The following ERC1 variants were observed in gnomAD, a reference collection of about 807,000 sequenced individuals.
ERC1 encodes the protein ELKS/RAB6-interacting/CAST family member 1, also known as RAB6 interacting protein 2.
A neutral mutation model predicts 132.0 loss-of-function variants in ERC1; 56 were observed. The ratio of observed to expected loss-of-function variants is 0.42; its 90% CI spans 0.34 to 0.53. The LOEUF (loss-of-function observed/expected upper bound fraction) is 0.53, where lower values mean the gene tolerates loss of function less well. ERC1 is among the 20% of genes least tolerant of loss of function. The pLI is 0.03. For missense variants in ERC1, 1,202 were observed against 1,349.9 expected, an observed-to-expected ratio of 0.89 and a Z score of 1.72; for synonymous variants, 478 against 476.1, an observed-to-expected ratio of 1.00 and a Z score of -0.05.
In ERC1 at chr12:1,382,710, A is replaced by G. The variant is rs569289765; in HGVS notation, c.2925+10733A>G. Among the ~76,000 whole-genome samples the G allele has an allele frequency of 2.6e-5, 4 of 152,366 alleles. No individual in the cohort carries two copies. The East Asian group carries it at 7.7e-4, about 29-fold the overall frequency. ...TTTACCTGTAGCTGTATCGTCTGCT[A>G]AAGGCTGACATTAAGAGTTTAAAAA... On this transcript the variant is annotated intron_variant, in intron 16 of 18. Transcript: ENST00000360905.
intron 15 of ERC1, among the ~76,000 whole-genome samples, chr12:1,307,542 G>A (rs757980713): frequency 7.9e-5 from 12 of 152,112 alleles, no homozygotes; most frequent in Non-Finnish European, 1.2e-4. Flanking sequence ...TCCTTTCTGC[G>A]TCCTGCTAAA....
At chr12:1,007,696 A>G (rs1963973019) in intron 1 of ERC1, among the ~76,000 whole-genome samples, 1 of 152,054 alleles carries the variant, frequency 6.6e-6, no homozygotes, top group Non-Finnish European at 1.5e-5. Context: ...CTAGCCATGT[A>G]TGGCCATTAA....
At chr12:1,394,197 G>A (rs542593586) in intron 16 of ERC1, among the ~76,000 whole-genome samples, 13 of 151,384 alleles carry the variant, frequency 8.6e-5, no homozygotes, top group Admixed American at 4.6e-4. Context: ...TCAGGAGATC[G>A]AGACCATCCT....
chr12:1,382,766 T>A (rs897172119), intron 16 of ERC1, among the ~76,000 whole-genome samples: 2 of 152,236 alleles, frequency 1.3e-5, no homozygotes, highest in Admixed American at 6.5e-5. Flanking sequence ...AGAAAACGTG[T>A]GTAAAGATTG....
chr12:1,354,737 G>A (rs867491291), intron 15 of ERC1, among the ~76,000 whole-genome samples: 28 of 152,262 alleles, frequency 1.8e-4, no homozygotes, highest in African/African-American at 6.3e-4. Flanking sequence ...TGCAACCTCC[G>A]CGTTCTAGGT....
At chr12:1,261,143 C>T (rs1398729320) in intron 13 of ERC1, among the ~76,000 whole-genome samples, 1 of 152,094 alleles carries the variant, frequency 6.6e-6, no homozygotes, top group Non-Finnish European at 1.5e-5. Flanking sequence ...TTTTGCCCCA[C>T]GCAGATGTAC....
chr12:1,346,885 T>A (rs1443130404), intron 15 of ERC1, among the ~76,000 whole-genome samples: 1 of 148,300 alleles, frequency 6.7e-6, no homozygotes. Flanking sequence ...GAGCTTGCAG[T>A]GAGCCGAGAT....
chr12:1,395,609 A>G (rs545506729), intron 16 of ERC1, among the ~76,000 whole-genome samples: 10 of 152,108 alleles, frequency 6.6e-5, no homozygotes, highest in Non-Finnish European at 1.3e-4. Context: ...CTAAGAAGGG[A>G]TATCTTCAGC....
chr12:1,291,852 G>A (rs561285024), intron 15 of ERC1, among the ~76,000 whole-genome samples: 5 of 152,294 alleles, frequency 3.3e-5, no homozygotes, highest in East Asian at 1.9e-4. Flanking sequence ...AAACATTTGC[G>A]TTGGTTATAG....
chr12:1,051,317 T>C (rs1341444795), intron 2 of ERC1, among the ~76,000 whole-genome samples: 1 of 152,084 alleles, frequency 6.6e-6, no homozygotes, highest in Non-Finnish European at 1.5e-5. Flanking sequence ...ATTTAGAGGT[T>C]AAAAAGCATA....
chr12:1,271,443 T>A (rs915441090), intron 14 of ERC1, among the ~76,000 whole-genome samples: 2 of 152,190 alleles, frequency 1.3e-5, no homozygotes, highest in Non-Finnish European at 2.9e-5. Flanking sequence ...GTGGTATAAT[T>A]TTTTGAGATG....
chr12:1,184,619 C>G (rs1230618581), intron 11 of ERC1, among the ~76,000 whole-genome samples: 1 of 152,054 alleles, frequency 6.6e-6, no homozygotes, highest in Non-Finnish European at 1.5e-5. Context: ...CATTTTTGAC[C>G]TATTTATAGC....
At chr12:1,410,838 A>T (rs1401012643) in intron 17 of ERC1, among the ~76,000 whole-genome samples, 1 of 152,022 alleles carries the variant, frequency 6.6e-6, no homozygotes, top group Non-Finnish European at 1.5e-5. Flanking sequence ...TAGAAAATTG[A>T]TCAAGTACTT....
At chr12:1,093,543 A>G (rs906480523) in intron 3 of ERC1, among the ~76,000 whole-genome samples, 3 of 152,220 alleles carry the variant, frequency 2.0e-5, no homozygotes, top group African/African-American at 7.2e-5. Flanking sequence ...CTATAGGCCA[A>G]CTAAATAATA....
chr12:1,032,395 A>G (rs767355468), intron 2 of ERC1, among the ~76,000 whole-genome samples: 1 of 152,088 alleles, frequency 6.6e-6, no homozygotes, highest in Non-Finnish European at 1.5e-5. Flanking sequence ...TCAATTTGTG[A>G]TGGTTCTGTT....
intron 1 of ERC1, chr12:1,027,467 C>G (rs1967090551): frequency 6.2e-6 from 1 of 162,412 alleles, no homozygotes; most frequent in Non-Finnish European, 1.3e-5. Context: ...CTACCTTGGC[C>G]TCCCAGAGCG....
At chr12:1,106,072 C>T (rs1385581979) in intron 4 of ERC1, among the ~76,000 whole-genome samples, 1 of 152,226 alleles carries the variant, frequency 6.6e-6, no homozygotes, top group Non-Finnish European at 1.5e-5. Context: ...CTAAGTTAAA[C>T]TCCCTGGATT....
chr12:1,170,367 C>T (rs1439122267), intron 8 of ERC1, among the ~76,000 whole-genome samples: 1 of 151,998 alleles, frequency 6.6e-6, no homozygotes, highest in East Asian at 1.9e-4. Flanking sequence ...CTTGTGCCTG[C>T]TTTAGTTTTT....
At chr12:1,467,148 A>G (rs912936519) in intron 18 of ERC1, among the ~76,000 whole-genome samples, 6 of 152,230 alleles carry the variant, frequency 3.9e-5, no homozygotes, top group South Asian at 2.1e-4. Flanking sequence ...CTCTTTTCTA[A>G]TGTAAGCTCT....
Sources: gnomAD v4.1 joint callset for allele counts (sites outside exome capture counted in the v4.1 genomes callset) on GRCh38, gnomAD v4.1.1 for gene constraint, MANE v1.5 for transcripts, NCBI Gene and HGNC (gene_info 2026-07-23, HGNC 2026-07-21) for gene names.